The following MB21D2 variants were observed in gnomAD, a reference collection of about 807,000 sequenced individuals.
The protein encoded by MB21D2 is Mab-21 domain containing 2.
In MB21D2, 9 loss-of-function variants were observed where a neutral mutation model predicts 33.3. The observed-to-expected ratio is 0.27, with a 90% CI of 0.16 to 0.47. MB21D2 has a LOEUF of 0.47. MB21D2 is among the 20% of genes least tolerant of loss of function. MB21D2 has a pLI of 0.99. For synonymous variants in MB21D2, 241 were observed against 236.3 expected (o/e 1.02, Z -0.18); for missense variants, 540 against 624.6 (o/e 0.86, Z 1.44).
chr3:192,909,645 C>A (rs1390414189), intron 1 of MB21D2, among the ~76,000 whole-genome samples: 4 of 151,826 alleles, frequency 2.6e-5, no homozygotes, highest in African/African-American at 9.7e-5. Flanking sequence ...TGATGAAGAG[C>A]CTCGGCCAGA....
intron 1 of MB21D2, among the ~76,000 whole-genome samples, chr3:192,805,386 T>C (rs924766151): frequency 6.6e-6 from 1 of 152,234 alleles, no homozygotes; most frequent in Non-Finnish European, 1.5e-5. Flanking sequence ...GAGTTATTAG[T>C]ACTCACAATT....
At position 192,901,103 on chromosome 3, in the gene MB21D2, G is replaced by C. The variant is rs147662531; in HGVS notation, c.211+16527C>G. Reference sequence around the variant, plus strand: ...CAGGTGAACGGCCCGAGATGGCAGAGAGGATGGAGCCAGGGTTGGTTGGTC... The same window carrying C: ...CAGGTGAACGGCCCGAGATGGCAGACAGGATGGAGCCAGGGTTGGTTGGTC... On this transcript the variant is annotated intron_variant, in intron 1 of 1. Transcript: ENST00000392452. Among the ~76,000 whole-genome samples the C allele has an allele frequency of 4.5e-3, 682 of 152,294 alleles. 7 individuals carry two copies. The highest frequency in any genetic ancestry group is 0.016 in the African/African-American group (654 of 41,570).
intron 1 of MB21D2, among the ~76,000 whole-genome samples, chr3:192,812,691 C>T (rs995232097): frequency 1.3e-5 from 2 of 152,126 alleles, no homozygotes; most frequent in African/African-American, 2.4e-5. Context: ...TACACAGACA[C>T]GTCTCCTCTT....
At chr3:192,904,711 T>C (rs1279195135) in intron 1 of MB21D2, among the ~76,000 whole-genome samples, 1 of 152,168 alleles carries the variant, frequency 6.6e-6, no homozygotes, top group Admixed American at 6.5e-5. Context: ...ACCACGGCAG[T>C]GGAAGAACAA....
chr3:192,889,615 AG>A (rs539538932), intron 1 of MB21D2, among the ~76,000 whole-genome samples: 3 of 152,070 alleles, frequency 2.0e-5, no homozygotes, highest in Non-Finnish European at 4.4e-5. Context: ...AGTTTATCAC[AG>A]GAAGATTTTT....
intron 1 of MB21D2, among the ~76,000 whole-genome samples, chr3:192,837,079 T>C (rs1712456678): frequency 6.6e-6 from 1 of 152,064 alleles, no homozygotes; most frequent in Non-Finnish European, 1.5e-5. Flanking sequence ...GATTATGACA[T>C]TGAAGAACTA....
At chr3:192,835,684 T>C (rs983750705) in intron 1 of MB21D2, among the ~76,000 whole-genome samples, 1 of 152,060 alleles carries the variant, frequency 6.6e-6, no homozygotes, top group Non-Finnish European at 1.5e-5. Context: ...GGAATTAAAC[T>C]AAAAAATTTA....
intron 1 of MB21D2, among the ~76,000 whole-genome samples, chr3:192,917,425 A>G (rs905403165): frequency 2.0e-5 from 3 of 152,202 alleles, no homozygotes; most frequent in African/African-American, 7.2e-5. Flanking sequence ...GACCCGGCGT[A>G]AAGTATAGTA....
At chr3:192,858,484 T>TG (rs1712968060) in intron 1 of MB21D2, among the ~76,000 whole-genome samples, 1 of 152,222 alleles carries the variant, frequency 6.6e-6, no homozygotes, top group Admixed American at 6.5e-5. Flanking sequence ...TCAAAACAAA[T>TG]GTGAACGGAC....
chr3:192,849,293 C>A (rs900652562), intron 1 of MB21D2, among the ~76,000 whole-genome samples: 1 of 120,918 alleles, frequency 8.3e-6, no homozygotes, highest in Admixed American at 1.3e-4. Context: ...TCTTCAAGTG[C>A]AAGTTTTTCA....
intron 1 of MB21D2, among the ~76,000 whole-genome samples, chr3:192,838,204 T>C (rs916885260): frequency 3.3e-5 from 5 of 152,204 alleles, no homozygotes; most frequent in African/African-American, 4.8e-5. Context: ...CATGGGCATC[T>C]ATATAAGACA....
At chr3:192,843,651 G>A (rs1240998000) in intron 1 of MB21D2, among the ~76,000 whole-genome samples, 2 of 152,170 alleles carry the variant, frequency 1.3e-5, no homozygotes, top group Non-Finnish European at 2.9e-5. Flanking sequence ...GGTCAGGGAA[G>A]AGAGAGTCCC....
chr3:192,888,760 GT>G (rs2108646062), intron 1 of MB21D2, among the ~76,000 whole-genome samples: 1 of 152,136 alleles, frequency 6.6e-6, no homozygotes, highest in Non-Finnish European at 1.5e-5. Flanking sequence ...TATTTATTGA[GT>G]CTTTACTCAC....
chr3:192,878,083 T>TTTTC (rs1713477016), intron 1 of MB21D2, among the ~76,000 whole-genome samples: 1 of 26,442 alleles, frequency 3.8e-5, no homozygotes, highest in African/African-American at 2.4e-4. Context: ...TTCCTCCTCT[T>TTTTC]TTTTTTTTTT....
At chr3:192,838,293 C>T (rs1712484355) in intron 1 of MB21D2, among the ~76,000 whole-genome samples, 1 of 152,214 alleles carries the variant, frequency 6.6e-6, no homozygotes, top group Non-Finnish European at 1.5e-5. Context: ...AACCACAGTG[C>T]CTTTAATGAC....
At chr3:192,813,975 C>T (rs1034110998) in intron 1 of MB21D2, among the ~76,000 whole-genome samples, 1 of 152,086 alleles carries the variant, frequency 6.6e-6, no homozygotes, top group African/African-American at 2.4e-5. Context: ...TGTCAATAAC[C>T]AAGTGCTTAA....
intron 1 of MB21D2, among the ~76,000 whole-genome samples, chr3:192,812,142 G>A (rs1017341643): frequency 6.6e-6 from 1 of 152,036 alleles, no homozygotes; most frequent in African/African-American, 2.4e-5. Context: ...CTGCCTCCCA[G>A]GTTCAAGCAA....
chr3:192,900,344 A>G (rs1714069150), intron 1 of MB21D2, among the ~76,000 whole-genome samples: 1 of 151,816 alleles, frequency 6.6e-6, no homozygotes, highest in South Asian at 2.1e-4. Flanking sequence ...AGAGAAAAGC[A>G]GTCACCAAGG....
chr3:192,861,544 C>G (rs138490868), intron 1 of MB21D2, among the ~76,000 whole-genome samples: 9 of 152,342 alleles, frequency 5.9e-5, no homozygotes, highest in African/African-American at 2.2e-4. Flanking sequence ...CGGTGGCTCA[C>G]GCCTGTAATC....
Sources: gnomAD v4.1 joint callset for allele counts (sites outside exome capture counted in the v4.1 genomes callset) on GRCh38, gnomAD v4.1.1 for gene constraint, MANE v1.5 for transcripts, NCBI Gene and HGNC (gene_info 2026-07-23, HGNC 2026-07-21) for gene names.